The following DPF3 variants were observed in gnomAD, a reference collection of about 807,000 sequenced individuals.
DPF3 encodes zinc finger protein DPF3.
DPF3 carries 18 observed loss-of-function variants against 56.8 expected under a neutral mutation model. The ratio of observed to expected loss-of-function variants is 0.32; its 90% confidence interval spans 0.22 to 0.47. The LOEUF is 0.47. DPF3 is among the 20% of genes least tolerant of loss of function. DPF3 has a pLI of 1.00. For missense variants in DPF3, 403 were observed against 488.8 expected, an observed-to-expected ratio of 0.82 and a Z score of 1.65; for synonymous variants, 188 against 180.2, an observed-to-expected ratio of 1.04 and a Z score of -0.35.
intron 1 of DPF3, among the ~76,000 whole-genome samples, chr14:72,789,696 T>C (rs1191765526): frequency 6.6e-6 from 1 of 151,440 alleles, no homozygotes; most frequent in East Asian, 1.9e-4. Context: ...TCCCAGCTAA[T>C]TTTTTTTTCT....
rs1292690851 is a variant in DPF3, at chr14:72,613,831, G to A, written c.*5466C>T. ...CCTGGGCTGCGCACATGGAGGGGGC[G>A]CCCGCCGCACAGCCAGGCCTCCCCG... On this transcript the variant is annotated 3_prime_UTR_variant, in exon 11 of 11. Coordinates refer to ENST00000556509, the MANE Select transcript of DPF3 (RefSeq NM_001280542.3). Among the ~76,000 whole-genome samples the A allele has an allele frequency of 6.6e-6, 1 of 152,176 alleles. No homozygotes were observed. Among genetic ancestry groups the A allele is most frequent in the Non-Finnish European group, 1.5e-5 (1 of 68,036 alleles).
chr14:72,813,555 C>G (rs943319924), intron 1 of DPF3, among the ~76,000 whole-genome samples: 4 of 152,200 alleles, frequency 2.6e-5, no homozygotes, highest in Non-Finnish European at 4.4e-5. Context: ...GGCCTCCCCC[C>G]CGGCACCCAT....
chr14:72,717,441 C>T (rs1599381206), intron 5 of DPF3, among the ~76,000 whole-genome samples: 1 of 152,142 alleles, frequency 6.6e-6, no homozygotes, highest in South Asian at 2.1e-4. Flanking sequence ...ACATCATTTC[C>T]CCCCTCCTTG....
At chr14:72,861,748 A>AG (rs59512396) in intron 1 of DPF3, among the ~76,000 whole-genome samples, 7 of 13,428 alleles carry the variant, frequency 5.2e-4, no homozygotes, top group African/African-American at 2.0e-3. Context: ...AGAAAGAAAG[A>AG]AAGAAAGAAA....
chr14:72,821,989 A>G (rs574937141), intron 1 of DPF3, among the ~76,000 whole-genome samples: 1 of 152,308 alleles, frequency 6.6e-6, no homozygotes, highest in South Asian at 2.1e-4. Context: ...CCTGGGTGAC[A>G]GAGTGAGATC....
chr14:72,818,539 T>A (rs202002700), intron 1 of DPF3, among the ~76,000 whole-genome samples: 1 of 152,198 alleles, frequency 6.6e-6, no homozygotes, highest in Non-Finnish European at 1.5e-5. Flanking sequence ...TAACCAGGTG[T>A]GGTGGCTCAT....
chr14:72,751,149 TACTGCAC>T, intron 3 of DPF3, among the ~76,000 whole-genome samples: 2 of 152,254 alleles, frequency 1.3e-5, no homozygotes, highest in East Asian at 3.9e-4. Flanking sequence ...TCATTGCAAC[TACTGCAC>T]ACCAGACTGG....
chr14:72,829,503 GC>G (rs1490058620), intron 1 of DPF3, among the ~76,000 whole-genome samples: 2 of 151,788 alleles, frequency 1.3e-5, no homozygotes, highest in Non-Finnish European at 2.9e-5. Context: ...TCCTGCCTCA[GC>G]CTCCCAAGTA....
intron 2 of DPF3, among the ~76,000 whole-genome samples, chr14:72,753,747 C>T (rs1325473559): frequency 6.6e-6 from 1 of 152,202 alleles, no homozygotes; most frequent in Non-Finnish European, 1.5e-5. Context: ...CCAGGTTAAG[C>T]AGGTTCCCTT....
At chr14:72,652,945 G>T (rs1009188287) in intron 8 of DPF3, among the ~76,000 whole-genome samples, 1 of 152,146 alleles carries the variant, frequency 6.6e-6, no homozygotes, top group Non-Finnish European at 1.5e-5. Context: ...ACATCCAATT[G>T]TTTTTCCTTT....
At chr14:72,811,552 G>C (rs985245939) in intron 1 of DPF3, among the ~76,000 whole-genome samples, 1 of 152,110 alleles carries the variant, frequency 6.6e-6, no homozygotes, top group African/African-American at 2.4e-5. Context: ...GGCACTTACA[G>C]CCACCCTAAC....
chr14:72,670,818 C>A, intron 8 of DPF3: 1 of 1,118,852 alleles, frequency 8.9e-7, no homozygotes, highest in Non-Finnish European at 1.1e-6. Context: ...AAAAGACCCC[C>A]TCCCCTCAGA....
chr14:72,670,996 T>C, intron 8 of DPF3: 1 of 1,399,462 alleles, frequency 7.1e-7, no homozygotes, highest in Non-Finnish European at 9.3e-7. Flanking sequence ...GAGGGACACG[T>C]GGGAGGTGAA....
At chr14:72,683,117 G>A (rs755246461) in intron 7 of DPF3, among the ~76,000 whole-genome samples, 12 of 151,892 alleles carry the variant, frequency 7.9e-5, no homozygotes, top group Admixed American at 1.3e-4. Context: ...ACTTGAGGTC[G>A]GGAGTTCGAG....
At chr14:72,651,865 A>T (rs1885919223) in intron 8 of DPF3, among the ~76,000 whole-genome samples, 1 of 152,104 alleles carries the variant, frequency 6.6e-6, no homozygotes, top group African/African-American at 2.4e-5. Flanking sequence ...GCTCTTTGCA[A>T]CCACCCAGAT....
chr14:72,800,701 G>A (rs1463793632), intron 1 of DPF3, among the ~76,000 whole-genome samples: 2 of 152,058 alleles, frequency 1.3e-5, no homozygotes, highest in Non-Finnish European at 2.9e-5. Context: ...TGAATGGACG[G>A]ATGCATGGAG....
chr14:72,701,796 G>A (rs1009839102), intron 6 of DPF3, among the ~76,000 whole-genome samples: 11 of 152,116 alleles, frequency 7.2e-5, no homozygotes, highest in Non-Finnish European at 1.5e-4. Flanking sequence ...ACAAAGCCTG[G>A]GCCCTGGGAG....
intron 8 of DPF3, among the ~76,000 whole-genome samples, chr14:72,652,409 TG>T (rs1280636139): frequency 1.3e-5 from 2 of 152,208 alleles, no homozygotes; most frequent in African/African-American, 4.8e-5. Flanking sequence ...AAATGAGGCT[TG>T]CAGCCAGAAT....
intron 1 of DPF3, among the ~76,000 whole-genome samples, chr14:72,883,761 C>G (rs1202352888): frequency 1.3e-5 from 2 of 152,050 alleles, no homozygotes; most frequent in Non-Finnish European, 2.9e-5. Flanking sequence ...AACCCGATCT[C>G]TACTGAAAAT....
Sources: allele counts gnomAD v4.1 joint callset (sites outside exome capture counted in the v4.1 genomes callset), GRCh38; gene constraint gnomAD v4.1.1; transcripts MANE v1.5; gene names NCBI Gene and HGNC (gene_info 2026-07-23, HGNC 2026-07-21).